The following RIMS3 variants were observed in gnomAD, a reference collection of about 807,000 sequenced individuals.
RIMS3 encodes the protein regulating synaptic membrane exocytosis protein 3.
A neutral mutation model predicts 29.2 loss-of-function variants in RIMS3; 15 were observed. The observed-to-expected ratio is 0.51, with a 90% confidence interval of 0.34 to 0.79. The LOEUF is 0.79. Among genes scored for constraint, RIMS3 ranks in the 30% least tolerant of loss-of-function variants. RIMS3 has a pLI of 0.01. For missense variants in RIMS3, 342 were observed against 421.4 expected (o/e 0.81, Z 1.65); for synonymous variants, 161 against 170.1 (o/e 0.95, Z 0.41).
intron 4 of RIMS3, among the ~76,000 whole-genome samples, chr1:40,634,739 C>G (rs1349605194): frequency 6.6e-6 from 1 of 152,012 alleles, no homozygotes; most frequent in Non-Finnish European, 1.5e-5. Context: ...GTTGGGAGTT[C>G]GAGACCAGCC....
the RIMS3 span, among the ~76,000 whole-genome samples, chr1:40,680,583 C>T: frequency 2.0e-5 from 3 of 152,008 alleles, no homozygotes; most frequent in East Asian, 1.9e-4. Context: ...CTGCCCGCCT[C>T]GGCCTCCTAA....
At chr1:40,666,955 G>A (rs1557692113), upstream of RIMS3, among the ~76,000 whole-genome samples, 1 of 152,190 alleles carries the variant, frequency 6.6e-6, no homozygotes. Context: ...AACCCAGGAG[G>A]CGGAGGTTGC....
rs112749083 is a variant in RIMS3, at chr1:40,664,216, T to C, written c.-207+1178A>G. ...TTGGTTTAAGCACAGGGCACATGGG[T>C]CACCTCCCCAGCACATCCCTGCCAA... On this transcript the variant is annotated intron_variant, in intron 1 of 7. Coordinates refer to ENST00000372684, the MANE Select transcript of RIMS3 (RefSeq NM_014747.3). Among the ~76,000 whole-genome samples, 11 of 152,040 alleles carry C rather than the reference T, an allele frequency of 7.2e-5. 1 individual carries two copies. The highest frequency in any genetic ancestry group is 2.7e-4 in the African/African-American group (11 of 41,470).
chr1:40,626,451 A>G lies in RIMS3; in HGVS notation c.*66T>C. 1 of 1,373,740 alleles carries G rather than the reference A, an allele frequency of 7.3e-7. No individual in the cohort carries two copies. The highest frequency in any genetic ancestry group is 1.0e-6 in the Non-Finnish European group (1 of 986,066). 85.1% of individuals were successfully genotyped at this position (1,373,740 alleles called of 1,614,324 possible). Reference sequence around the variant, plus strand: ...CCAGAAAGACACGAAGACTATGTACAGGGGAGGACATGGGGCCAGCAGGCA... The same window carrying G: ...CCAGAAAGACACGAAGACTATGTACGGGGGAGGACATGGGGCCAGCAGGCA... On this transcript the variant is annotated 3_prime_UTR_variant, in exon 8 of 8. Coordinates refer to ENST00000372684, the MANE Select transcript of RIMS3 (RefSeq NM_014747.3).
chr1:40,677,007 T>A, the RIMS3 span, among the ~76,000 whole-genome samples: 1 of 151,884 alleles, frequency 6.6e-6, no homozygotes, highest in South Asian at 2.1e-4. Context: ...TGGAATTTTT[T>A]TTTTTTTTTG....
intron 1 of RIMS3, among the ~76,000 whole-genome samples, chr1:40,652,403 G>A (rs779797165): frequency 1.4e-4 from 22 of 152,188 alleles, no homozygotes; most frequent in Non-Finnish European, 2.5e-4. Flanking sequence ...GACCACCCAA[G>A]GCACTGAGAG....
the RIMS3 span, among the ~76,000 whole-genome samples, chr1:40,676,928 ACC>A: frequency 2.6e-5 from 4 of 151,454 alleles, no homozygotes; most frequent in African/African-American, 9.7e-5. Flanking sequence ...CATTCCCTCT[ACC>A]CCCTTAGGAC....
the RIMS3 span, chr1:40,692,034 C>T: frequency 3.7e-4 from 73 of 195,506 alleles, no homozygotes; most frequent in East Asian, 0.012. Context: ...TGGCCCGCTG[C>T]TGTCGCCGCC....
At chr1:40,637,525 C>T (rs1330085721) in intron 3 of RIMS3, among the ~76,000 whole-genome samples, 5 of 115,960 alleles carry the variant, frequency 4.3e-5, no homozygotes, top group Non-Finnish European at 3.7e-5. Context: ...CACATTAGCT[C>T]ATACATATTT....
chr1:40,656,693 G>T (rs904171130), intron 1 of RIMS3, among the ~76,000 whole-genome samples: 1 of 149,202 alleles, frequency 6.7e-6, no homozygotes, highest in African/African-American at 2.5e-5. Context: ...TGTGGCAGGA[G>T]AATCTCTTGA....
In RIMS3 at chr1:40,654,267, G is replaced by A. The variant is rs547124229; in HGVS notation, c.-206-6425C>T. On this transcript the variant is annotated intron_variant, in intron 1 of 7. Coordinates refer to ENST00000372684, the MANE Select transcript of RIMS3 (RefSeq NM_014747.3). The surrounding 1 kb of genome is among the most constrained non-coding windows in gnomAD (Gnocchi z 5.3). Reference sequence around the variant, plus strand: ...CGCACCAAGCCGGAAGGCGCCGCCCGCGCCTGCTGCCCACCCTGGGGACCC... The same window carrying A: ...CGCACCAAGCCGGAAGGCGCCGCCCACGCCTGCTGCCCACCCTGGGGACCC... Among the ~76,000 whole-genome samples, 48 of 151,374 alleles carry A rather than the reference G, an allele frequency of 3.2e-4. No individual in the cohort carries two copies. In the South Asian group the frequency reaches 9.4e-3, roughly 30 times the overall value.
chr1:40,664,939 G>A (rs1202605461), intron 1 of RIMS3, among the ~76,000 whole-genome samples: 2 of 152,092 alleles, frequency 1.3e-5, no homozygotes, highest in Non-Finnish European at 2.9e-5. Flanking sequence ...TTTCTTTTAT[G>A]GGGTGGAGGG....
chr1:40,678,537 G>A, the RIMS3 span, among the ~76,000 whole-genome samples: 2 of 152,206 alleles, frequency 1.3e-5, no homozygotes, highest in Admixed American at 1.3e-4. Flanking sequence ...GCTCATTGCT[G>A]CATTCCCACC....
At chr1:40,663,889 G>A (rs1184735169) in intron 1 of RIMS3, among the ~76,000 whole-genome samples, 1 of 152,176 alleles carries the variant, frequency 6.6e-6, no homozygotes. Context: ...TGAGTGCCAG[G>A]CACTGTGCTG....
chr1:40,666,146 G>A (rs1003988392), upstream of RIMS3, among the ~76,000 whole-genome samples: 1 of 152,152 alleles, frequency 6.6e-6, no homozygotes, highest in Non-Finnish European at 1.5e-5. Context: ...CCAAGTGCCT[G>A]GTATGAAGAG....
chr1:40,672,578 G>A, the RIMS3 span, among the ~76,000 whole-genome samples: 5 of 152,226 alleles, frequency 3.3e-5, no homozygotes, highest in African/African-American at 1.2e-4. Flanking sequence ...TCCAGAGACA[G>A]AGAGAAAATC....
Position 40,624,488 on chromosome 1 carries a change from G to C in RIMS3, c.*2029C>G, listed in dbSNP as rs1388613777. On this transcript the variant is annotated 3_prime_UTR_variant, in exon 8 of 8. Transcript: ENST00000372684. ...CCTGGGGAGAGCATTTCCGCCTAAA[G>C]AGAAAATTCAGCCCAGTGGCCTCCT... is the stretch of plus-strand genomic sequence containing the variant. The C allele has an allele frequency of 6.6e-6, 1 of 152,164 alleles. No individual in the cohort carries two copies. The highest frequency in any genetic ancestry group is 6.6e-5 in the Admixed American group (1 of 15,260). The allele number at this position is 152,164 out of a possible 1,614,324, so 9.4% of individuals were successfully genotyped here. A position where few individuals can be genotyped will look rare whatever the true frequency, so the allele number is the denominator to read the frequency against.
Position 40,635,772 on chromosome 1 carries a change from G to A in RIMS3, c.359+144C>T, listed in dbSNP as rs1296619236. The A allele has an allele frequency of 9.9e-7, 1 of 1,008,566 alleles. No homozygotes were observed. Among genetic ancestry groups the A allele is most frequent in the Non-Finnish European group, 1.5e-6 (1 of 675,850 alleles). The allele number at this position is 1,008,566 out of a possible 1,614,324, so 62.5% of individuals were successfully genotyped here. A position where few individuals can be genotyped will look rare whatever the true frequency, so the allele number is the denominator to read the frequency against. On this transcript the variant is annotated intron_variant, in intron 4 of 7. Coordinates refer to ENST00000372684, the MANE Select transcript of RIMS3 (RefSeq NM_014747.3). This position sits in a 1 kb window ranked among gnomAD's most constrained non-coding sequence, Gnocchi z 4.1. ...GTCCAGGCACAGAGTGTTGAGGGGA[G>A]GGGTATGAAGGAAGGCAGAGACACA...
the RIMS3 span, among the ~76,000 whole-genome samples, chr1:40,682,487 C>G: frequency 6.6e-6 from 1 of 152,008 alleles, no homozygotes; most frequent in Non-Finnish European, 1.5e-5. Context: ...CTTGGAACCC[C>G]ATCTTCAGGA....
Sources: allele counts gnomAD v4.1 joint callset (sites outside exome capture counted in the v4.1 genomes callset), GRCh38; gene constraint gnomAD v4.1.1; non-coding constraint Gnocchi (gnomAD v3.1); transcripts MANE v1.5; gene names NCBI Gene and HGNC (gene_info 2026-07-23, HGNC 2026-07-21).